ANK3: variants seen among roughly 807,000 people sequenced by gnomAD.
The protein encoded by ANK3 is ankyrin-3.
ANK3 carries 57 observed loss-of-function variants against 370.9 expected under a neutral mutation model. The observed-to-expected ratio is 0.15, with a 90% CI of 0.12 to 0.19. The LOEUF is 0.19. Ranked by LOEUF, ANK3 falls within the 10% of genes least tolerant of loss-of-function variation. The pLI is 1.00. For synonymous variants in ANK3, 1,929 were observed against 1,946.3 expected, an observed-to-expected ratio of 0.99 and a Z score of 0.23; for missense variants, 4,439 against 5,302.1, an observed-to-expected ratio of 0.84 and a Z score of 5.06.
At chr10:60,184,897 C>T (rs1396615100) in intron 17 of ANK3, among the ~76,000 whole-genome samples, 2 of 152,124 alleles carry the variant, frequency 1.3e-5, no homozygotes, top group East Asian at 1.9e-4. Context: ...ATATTATGGG[C>T]TCACAAGAGA....
At position 60,070,458 on chromosome 10, in the gene ANK3, G is replaced by A; in HGVS notation, c.10423C>T (p.Pro3475Ser). ...TTAGAAGGTGGCTTGTCCTCATCTG[G>A]TCCCACCTTTCCCTCCTCCTCGATA... ...EVIEEEGKVG[P>S]DEDKPPSKSS... Residue 3475 changes from proline to serine, a missense_variant, in exon 37 of 44, where the codon CCA (proline) becomes TCA (serine). Around this residue, in one of 13 missense-constraint regions of ANK3, gnomAD observed 1,601 missense variants for 1,731.7 expected, o/e 0.92. Transcript: ENST00000280772. The surrounding 1 kb of genome is among the most constrained non-coding windows in gnomAD (Gnocchi z 5.7). 6.2e-7 allele frequency: 1 copy of A among 1,614,076 alleles called. No individual in the cohort carries two copies. The highest frequency in any genetic ancestry group is 8.5e-7 in the Non-Finnish European group (1 of 1,180,014).
chr10:60,723,292 C>A (rs2079890545), intron 1 of ANK3, among the ~76,000 whole-genome samples: 1 of 152,172 alleles, frequency 6.6e-6, no homozygotes, highest in Non-Finnish European at 1.5e-5. Flanking sequence ...GATCACAACA[C>A]CTTCCTTTTC....
intron 2 of ANK3, among the ~76,000 whole-genome samples, chr10:60,466,321 T>A (rs1029615189): frequency 6.6e-6 from 1 of 152,110 alleles, no homozygotes; most frequent in Non-Finnish European, 1.5e-5. Flanking sequence ...TTTCTAATAA[T>A]GACAAGGAAA....
At chr10:60,380,035 T>C (rs1488957718) in intron 1 of ANK3, among the ~76,000 whole-genome samples, 1 of 152,168 alleles carries the variant, frequency 6.6e-6, no homozygotes, top group Non-Finnish European at 1.5e-5. Context: ...CAAAGTGATT[T>C]TGCCACTTAT....
Position 60,029,656 on chromosome 10 carries a change from C to T in ANK3, c.*190G>A, listed in dbSNP as rs963163619. ...GATTTCCATGCTCTGTAAATTGGCT[C>T]ATGCTAAATTAAAATGTGGGTGGTT... On this transcript the variant is annotated 3_prime_UTR_variant, in exon 44 of 44. Transcript: ENST00000280772. The T allele has an allele frequency of 1.3e-5, 2 of 152,284 alleles. No individual in the cohort carries two copies. 9.4% of individuals were successfully genotyped at this position (152,284 alleles called of 1,614,324 possible). A position where few individuals can be genotyped will look rare whatever the true frequency, so the allele number is the denominator to read the frequency against.
intron 1 of ANK3, among the ~76,000 whole-genome samples, chr10:60,336,070 G>A (rs1202295715): frequency 1.3e-5 from 2 of 150,922 alleles, no homozygotes; most frequent in African/African-American, 2.5e-5. Flanking sequence ...ATTATTGAGA[G>A]GATTTTTAAC....
chr10:60,099,776 G>A (rs1385145138), intron 28 of ANK3, among the ~76,000 whole-genome samples: 2 of 152,004 alleles, frequency 1.3e-5, no homozygotes, highest in African/African-American at 2.4e-5. Context: ...CAATAACCTC[G>A]CATGAGCAGC....
chr10:60,634,561 C>A (rs187454464), intron 1 of ANK3, among the ~76,000 whole-genome samples: 2 of 152,124 alleles, frequency 1.3e-5, no homozygotes, highest in Non-Finnish European at 1.5e-5. Flanking sequence ...TAAAATGGAC[C>A]GATCAGGAGG....
chr10:60,039,329 GTCTTTGCCATGGCT>G (rs1324379288), intron 43 of ANK3, among the ~76,000 whole-genome samples: 1 of 152,188 alleles, frequency 6.6e-6, no homozygotes, highest in African/African-American at 2.4e-5. Context: ...TGTCATGCAA[GTCTTTGCCATGGCT>G]TAAATGACCT....
rs1482567176 is a variant in ANK3, at chr10:60,070,327, A to C, written c.10554T>G (p.Thr3518=). 6.2e-7 allele frequency: 1 copy of C among 1,614,142 alleles called. No homozygotes were observed. The highest frequency in any genetic ancestry group is 2.2e-5 in the East Asian group (1 of 44,858). Residue 3518 remains threonine (T), a synonymous_variant, in exon 37 of 44, where the codon ACT becomes ACG. Coordinates refer to ENST00000280772, the MANE Select transcript of ANK3 (RefSeq NM_020987.5). The surrounding 1 kb of genome is among the most constrained non-coding windows in gnomAD (Gnocchi z 5.7). ...RHPDRSVFPD[T]YFSYKVDEEF... ...CTTCATCTACTTTGTAACTGAAGTA[A>C]GTATCAGGAAACACTGATCTGTCAG... is the stretch of plus-strand genomic sequence containing the variant.
chr10:60,080,375 C>A, intron 36 of ANK3, 162 bp downstream of exon 36: 3 of 594,266 alleles, frequency 5.0e-6, no homozygotes, highest in Non-Finnish European at 5.8e-6. Context: ...CTCACATCTT[C>A]AACTAGGCAC....
chr10:60,524,521 C>T (rs943185837), intron 2 of ANK3, among the ~76,000 whole-genome samples: 3 of 152,114 alleles, frequency 2.0e-5, no homozygotes, highest in African/African-American at 4.8e-5. Flanking sequence ...GGGAGTTTCT[C>T]TGCACAAGCT....
chr10:60,374,928 A>G (rs1224243427), intron 1 of ANK3, among the ~76,000 whole-genome samples: 1 of 152,156 alleles, frequency 6.6e-6, no homozygotes, highest in African/African-American at 2.4e-5. Context: ...TGGAAAAATG[A>G]GGTTACAAAA....
At chr10:60,454,526 A>C (rs988060939) in intron 2 of ANK3, among the ~76,000 whole-genome samples, 1 of 152,088 alleles carries the variant, frequency 6.6e-6, no homozygotes, top group Non-Finnish European at 1.5e-5. Flanking sequence ...TTCCTTTACA[A>C]TAGGGAAGAA....
At chr10:60,401,701 T>C (rs2063354732) in intron 2 of ANK3, among the ~76,000 whole-genome samples, 1 of 152,222 alleles carries the variant, frequency 6.6e-6, no homozygotes, top group Non-Finnish European at 1.5e-5. Context: ...TTTTAAAAGG[T>C]TGTATAATAT....
rs141741941 is a variant in ANK3, at chr10:60,158,685, C to CTTTTTTT, written c.2614+7899_2614+7905dup. Among the ~76,000 whole-genome samples, 8 of 132,748 alleles carry CTTTTTTT rather than the reference C, an allele frequency of 6.0e-5. 2 individuals carry two copies. Among genetic ancestry groups the CTTTTTTT allele is most frequent in the Middle Eastern group, 4.2e-3 (1 of 236 alleles). The allele number at this position is 132,748 out of a possible 152,430, so 87.1% of individuals were successfully genotyped here. ...TACTACAAGAGAAAGCACTTTTTTT[C>CTTTTTTT]TTTTTTTTGAGACAGAATCTCATTC... On this transcript the variant is annotated intron_variant, in intron 23 of 43. Transcript: ENST00000280772.
intron 17 of ANK3, among the ~76,000 whole-genome samples, chr10:60,184,519 C>CAG (rs1448179621): frequency 6.6e-6 from 1 of 152,104 alleles, no homozygotes; most frequent in Non-Finnish European, 1.5e-5. Context: ...AATGGAAAGC[C>CAG]AGTTGATCTT....
intron 3 of ANK3, 59 bp from the exon 4 acceptor site, chr10:60,278,931 C>T (rs2098126405): frequency 6.3e-6 from 10 of 1,575,378 alleles, no homozygotes; most frequent in Non-Finnish European, 8.7e-6. Flanking sequence ...TCCTGTTCTC[C>T]CCAAAGAGAA....
intron 7 of ANK3, among the ~76,000 whole-genome samples, chr10:60,235,745 C>T (rs1243797448): frequency 6.6e-6 from 1 of 151,942 alleles, no homozygotes; most frequent in African/African-American, 2.4e-5. Context: ...TTCTGCTGTT[C>T]ACAAAGAATC....
Sources: gnomAD v4.1 joint callset for allele counts (sites outside exome capture counted in the v4.1 genomes callset) on GRCh38, gnomAD v4.1.1 for gene constraint, gnomAD v4.1.1 regional missense constraint, Gnocchi (gnomAD v3.1) non-coding constraint, MANE v1.5 for transcripts, NCBI Gene and HGNC (gene_info 2026-07-23, HGNC 2026-07-21) for gene names.